Variants in CCDC178 observed in about 807,000 individuals in gnomAD.
The protein encoded by CCDC178 is coiled-coil domain-containing protein 178.
In CCDC178, 126 loss-of-function variants were observed where a neutral mutation model predicts 117.4. The ratio of observed to expected loss-of-function variants is 1.07; its 90% CI spans 0.93 to 1.24. The LOEUF (loss-of-function observed/expected upper bound fraction) is 1.24, where lower values mean the gene tolerates loss of function less well. Among genes scored for constraint, CCDC178 ranks in the 50% most tolerant of loss-of-function variants. The probability of loss-of-function intolerance (pLI) is 0.00; values close to 1 mark genes in which losing one functional copy is unlikely to be tolerated. For missense variants in CCDC178, 1,030 were observed against 986.9 expected (o/e 1.04, Z -0.59); for synonymous variants, 283 against 313.4 (o/e 0.90, Z 1.02).
At chr18:32,992,155 AT>A (rs913962148) in intron 21 of CCDC178, among the ~76,000 whole-genome samples, 5 of 151,832 alleles carry the variant, frequency 3.3e-5, no homozygotes, top group African/African-American at 4.8e-5. Flanking sequence ...AATCAAATGC[AT>A]TTTTTTTATC....
intron 21 of CCDC178, among the ~76,000 whole-genome samples, chr18:33,016,876 CTTAGCAAAA>C (rs570018491): frequency 1.4e-3 from 216 of 151,910 alleles, no homozygotes; most frequent in African/African-American, 4.9e-3. Context: ...TTTAGAAAAA[CTTAGCAAAA>C]TGACAGATGC....
intron 14 of CCDC178, among the ~76,000 whole-genome samples, chr18:33,256,665 A>C (rs1041531138): frequency 5.3e-5 from 8 of 151,986 alleles, no homozygotes; most frequent in African/African-American, 1.7e-4. Context: ...TGCTTTCCCC[A>C]TTCTTTCCTT....
chr18:33,382,981 A>G (rs576410267), intron 5 of CCDC178, among the ~76,000 whole-genome samples: 1 of 151,928 alleles, frequency 6.6e-6, no homozygotes, highest in African/African-American at 2.4e-5. Context: ...CTGAGTTCCC[A>G]GGAGGCAGGG....
chr18:33,317,332 C>T (rs1164097654), intron 11 of CCDC178, among the ~76,000 whole-genome samples: 7 of 152,092 alleles, frequency 4.6e-5, no homozygotes, highest in African/African-American at 1.7e-4. Context: ...CCTGTGGCTT[C>T]ACTCCTGAGC....
chr18:32,997,737 T>G (rs1276936788), intron 21 of CCDC178, among the ~76,000 whole-genome samples: 1 of 152,122 alleles, frequency 6.6e-6, no homozygotes, highest in East Asian at 1.9e-4. Context: ...TATTTATATA[T>G]CTATGTTTTT....
At chr18:32,962,764 AT>A (rs985383531) in intron 22 of CCDC178, among the ~76,000 whole-genome samples, 7 of 151,558 alleles carry the variant, frequency 4.6e-5, no homozygotes, top group Admixed American at 2.0e-4. Flanking sequence ...TGGATCTATA[AT>A]TTATGTTTTT....
intron 17 of CCDC178, 30 bp downstream of exon 17, chr18:33,224,745 C>T: frequency 7.4e-7 from 1 of 1,352,630 alleles, no homozygotes; most frequent in Non-Finnish European, 9.9e-7. Flanking sequence ...TATTTCTGCA[C>T]ATTAATTTTT....
chr18:32,987,245 C>T lies in CCDC178; in HGVS notation c.2389-12564G>A, dbSNP rs187459582. ...GAAAATGATGCTTACATATAGTTTA[C>T]ATGAAACACATTAAAAACTAAAAGA... On this transcript the variant is annotated intron_variant, in intron 21 of 22. Transcript: ENST00000383096. 5.2e-3 allele frequency among the ~76,000 whole-genome samples: 789 copies of T among 151,848 alleles called. 5 individuals carry two copies. The highest frequency in any genetic ancestry group is 0.018 in the South Asian group (85 of 4,818).
At chr18:33,142,114 C>A (rs1364147847) in intron 20 of CCDC178, among the ~76,000 whole-genome samples, 1 of 152,182 alleles carries the variant, frequency 6.6e-6, no homozygotes, top group African/African-American at 2.4e-5. Context: ...GTAATCAAGA[C>A]AAAAGTGGAT....
chr18:33,091,062 C>A (rs1157726848), intron 21 of CCDC178, among the ~76,000 whole-genome samples: 1 of 152,044 alleles, frequency 6.6e-6, no homozygotes, highest in Non-Finnish European at 1.5e-5. Flanking sequence ...CAGATAACTG[C>A]ACATATAATT....
chr18:33,323,462 T>C (rs778452974), intron 11 of CCDC178, 29 bp downstream of exon 11: 4 of 1,374,904 alleles, frequency 2.9e-6, no homozygotes, highest in Non-Finnish European at 3.8e-6. Flanking sequence ...TTCTAAATGC[T>C]ATAATTAGTG....
chr18:33,221,513 G>T (rs1034794426), intron 18 of CCDC178, among the ~76,000 whole-genome samples: 1 of 152,088 alleles, frequency 6.6e-6, no homozygotes, highest in Non-Finnish European at 1.5e-5. Context: ...AAAGAGGTAT[G>T]TATAAGGAGC....
chr18:33,105,242 A>C (rs554453047), intron 20 of CCDC178, among the ~76,000 whole-genome samples: 1 of 151,722 alleles, frequency 6.6e-6, no homozygotes, highest in African/African-American at 2.4e-5. Flanking sequence ...AGGCACAGTT[A>C]GTACTTTTTA....
At chr18:33,084,875 T>C (rs1048499270) in intron 21 of CCDC178, among the ~76,000 whole-genome samples, 1 of 152,122 alleles carries the variant, frequency 6.6e-6, no homozygotes, top group African/African-American at 2.4e-5. Flanking sequence ...TTGCTGAGTC[T>C]ATCCCTCATG....
chr18:33,070,885 T>C (rs2057097167), intron 21 of CCDC178, among the ~76,000 whole-genome samples: 1 of 152,030 alleles, frequency 6.6e-6, no homozygotes, highest in Non-Finnish European at 1.5e-5. Flanking sequence ...ATTTGATTAA[T>C]AAAGACAAAT....
chr18:33,076,422 G>A (rs558658840), intron 21 of CCDC178, among the ~76,000 whole-genome samples: 1 of 152,274 alleles, frequency 6.6e-6, no homozygotes, highest in South Asian at 2.1e-4. Context: ...GGATATTTGA[G>A]GAAAGGGATA....
At chr18:32,972,939 G>T (rs1323291790) in intron 22 of CCDC178, among the ~76,000 whole-genome samples, 1 of 151,950 alleles carries the variant, frequency 6.6e-6, no homozygotes, top group African/African-American at 2.4e-5. Context: ...AGAAAATGAG[G>T]CACTAATTTA....
rs374324334 is a variant in CCDC178, at chr18:33,215,716, G to A, written c.1933-21C>T. Reference sequence around the variant, plus strand: ...TTACTCTGAAAAAAAATATACACAAGTGTTTATTTTAAATACTTGGATTTT... The same window carrying A: ...TTACTCTGAAAAAAAATATACACAAATGTTTATTTTAAATACTTGGATTTT... On this transcript the variant is annotated intron_variant, in intron 18 of 22. Coordinates refer to ENST00000383096, the MANE Select transcript of CCDC178 (RefSeq NM_001105528.4). The A allele has an allele frequency of 2.4e-5, 35 of 1,460,682 alleles. No individual in the cohort carries two copies. In the African/African-American group the frequency reaches 2.8e-4, roughly 12 times the overall value. 90.5% of individuals were successfully genotyped at this position (1,460,682 alleles called of 1,614,324 possible).
intron 20 of CCDC178, among the ~76,000 whole-genome samples, chr18:33,183,304 G>A (rs1004196891): frequency 5.9e-5 from 9 of 151,868 alleles, no homozygotes; most frequent in African/African-American, 1.7e-4. Context: ...GATGCCTGGC[G>A]GATTAAGCTC....
Sources: allele counts gnomAD v4.1 joint callset (sites outside exome capture counted in the v4.1 genomes callset), GRCh38; gene constraint gnomAD v4.1.1; transcripts MANE v1.5; gene names NCBI Gene and HGNC (gene_info 2026-07-23, HGNC 2026-07-21).